Variants in ASAP1 observed in about 807,000 individuals in gnomAD.
ASAP1 encodes ArfGAP with SH3 domain, ankyrin repeat and PH domain 1.
A neutral mutation model predicts 145.2 loss-of-function variants in ASAP1; 43 were observed. That is an observed-to-expected ratio of 0.30 (90% CI 0.23 to 0.38). The LOEUF (loss-of-function observed/expected upper bound fraction) is 0.38, where lower values mean the gene tolerates loss of function less well. Among genes scored for constraint, ASAP1 ranks in the 10% least tolerant of loss-of-function variants. The pLI is 1.00. For synonymous variants in ASAP1, 546 were observed against 515.5 expected (o/e 1.06, Z -0.80); for missense variants, 1,018 against 1,355.3 (o/e 0.75, Z 3.91).
At chr8:130,056,185 G>A (rs903839548) in intron 29 of ASAP1, among the ~76,000 whole-genome samples, 5 of 152,254 alleles carry the variant, frequency 3.3e-5, no homozygotes, top group African/African-American at 1.2e-4. Flanking sequence ...TCAGAGGAAA[G>A]TGAGGCTTAC....
intron 3 of ASAP1, among the ~76,000 whole-genome samples, chr8:130,320,022 G>A (rs1411078540): frequency 5.3e-5 from 8 of 152,102 alleles, no homozygotes; most frequent in Non-Finnish European, 4.4e-5. Context: ...AATGCTATTA[G>A]TATTCACAAA....
intron 27 of ASAP1, among the ~76,000 whole-genome samples, chr8:130,071,791 G>T (rs374478872): frequency 1.3e-5 from 2 of 152,116 alleles, no homozygotes; most frequent in Non-Finnish European, 2.9e-5. Flanking sequence ...ATCATCCTGG[G>T]AGACATTCAT....
intron 5 of ASAP1, among the ~76,000 whole-genome samples, chr8:130,192,256 C>T (rs1459894748): frequency 2.7e-5 from 4 of 150,632 alleles, no homozygotes; most frequent in Non-Finnish European, 5.9e-5. Flanking sequence ...TTATAACTGT[C>T]TGTGGCCCTC....
At position 130,052,808 on chromosome 8, in the gene ASAP1, C is replaced by CAGCT. The variant is rs1242375601; in HGVS notation, c.*1919_*1922dup. 1 of 133,476 alleles carries CAGCT rather than the reference C, an allele frequency of 7.5e-6. No homozygotes were observed. Among genetic ancestry groups the CAGCT allele is most frequent in the Non-Finnish European group, 1.5e-5 (1 of 64,678 alleles). 8.3% of individuals were successfully genotyped at this position (133,476 alleles called of 1,614,324 possible). A position where few individuals can be genotyped will look rare whatever the true frequency, so the allele number is the denominator to read the frequency against. On this transcript the variant is annotated 3_prime_UTR_variant, in exon 30 of 30. Transcript: ENST00000518721. ...AAAGAGTCTAGGCCACAGAAAAGAA[C>CAGCT]AGCTCTTTAATGCAAGTTAAAATGT...
chr8:130,274,024 T>C (rs1400587068), intron 3 of ASAP1, among the ~76,000 whole-genome samples: 2 of 152,216 alleles, frequency 1.3e-5, no homozygotes, highest in East Asian at 3.8e-4. Context: ...ACTAACTGGC[T>C]TTGAGATCTT....
At chr8:130,216,387 A>G (rs1198388552) in intron 4 of ASAP1, among the ~76,000 whole-genome samples, 5 of 152,236 alleles carry the variant, frequency 3.3e-5, no homozygotes, top group Non-Finnish European at 7.4e-5. Flanking sequence ...AATGAGTCCA[A>G]TATCTAACTT....
chr8:130,132,657 C>T (rs552681415), intron 15 of ASAP1, among the ~76,000 whole-genome samples: 4 of 152,322 alleles, frequency 2.6e-5, no homozygotes, highest in African/African-American at 7.2e-5. Context: ...CAGCCTCCTG[C>T]AGTAGAGATG....
intron 27 of ASAP1, among the ~76,000 whole-genome samples, chr8:130,069,809 G>A (rs1049943708): frequency 6.6e-5 from 10 of 152,168 alleles, no homozygotes; most frequent in African/African-American, 2.2e-4. Flanking sequence ...CATATGATAT[G>A]AAATTGCCTG....
intron 7 of ASAP1, among the ~76,000 whole-genome samples, chr8:130,183,974 T>C (rs1045226037): frequency 3.3e-5 from 5 of 152,218 alleles, no homozygotes; most frequent in Admixed American, 1.3e-4. Flanking sequence ...TATATAATCA[T>C]GCTAATAAAA....
At chr8:130,080,779 T>C (rs2097477899) in intron 25 of ASAP1, among the ~76,000 whole-genome samples, 1 of 152,028 alleles carries the variant, frequency 6.6e-6, no homozygotes, top group African/African-American at 2.4e-5. Flanking sequence ...ACTACAGGCA[T>C]ATACCACCAC....
intron 23 of ASAP1, among the ~76,000 whole-genome samples, chr8:130,115,125 T>C (rs369939872): frequency 8.5e-5 from 13 of 152,198 alleles, no homozygotes; most frequent in East Asian, 7.7e-4. Flanking sequence ...CTAGTCTAGA[T>C]GTTGCTGTAA....
chr8:130,096,853 T>C (rs1411208205), intron 24 of ASAP1, among the ~76,000 whole-genome samples: 1 of 151,990 alleles, frequency 6.6e-6, no homozygotes, highest in Non-Finnish European at 1.5e-5. Flanking sequence ...AGGCCGGGCA[T>C]GGTGGCTCAC....
chr8:130,197,166 A>G (rs1406522313), intron 5 of ASAP1, among the ~76,000 whole-genome samples: 1 of 152,244 alleles, frequency 6.6e-6, no homozygotes, highest in Non-Finnish European at 1.5e-5. Context: ...GCAGTGGCAC[A>G]TCTGTAATTC....
intron 27 of ASAP1, among the ~76,000 whole-genome samples, chr8:130,065,164 C>T (rs1407336427): frequency 6.6e-6 from 1 of 152,096 alleles, no homozygotes; most frequent in Non-Finnish European, 1.5e-5. Context: ...CAGGTCTGAG[C>T]CTTCTCAGGG....
intron 1 of ASAP1, among the ~76,000 whole-genome samples, chr8:130,405,112 T>C (rs1022179687): frequency 6.6e-6 from 1 of 151,946 alleles, no homozygotes; most frequent in African/African-American, 2.4e-5. Context: ...CTAATTCACA[T>C]GGGAATATTA....
At position 130,376,558 on chromosome 8, in the gene ASAP1, G is replaced by A. The variant is rs1318168032; in HGVS notation, c.60-18415C>T. Among the ~76,000 whole-genome samples the A allele has an allele frequency of 2.6e-5, 4 of 151,808 alleles. No individual in the cohort carries two copies. In the East Asian group the frequency reaches 5.8e-4, roughly 22 times the overall value. On this transcript the variant is annotated intron_variant, in intron 2 of 29. Transcript: ENST00000518721. ...CTGGCCAACATGGTGAAACCCCGTC[G>A]CTACTAAAAATACAAAAATTAGCTG...
intron 3 of ASAP1, among the ~76,000 whole-genome samples, chr8:130,356,510 A>G (rs147745045): frequency 1.1e-4 from 17 of 152,342 alleles, no homozygotes; most frequent in African/African-American, 3.4e-4. Context: ...CCAGACGAGT[A>G]TAACAGACTG....
chr8:130,291,195 T>G (rs1821924076), intron 3 of ASAP1, among the ~76,000 whole-genome samples: 1 of 152,192 alleles, frequency 6.6e-6, no homozygotes, highest in Admixed American at 6.5e-5. Context: ...ACTCTTAGAA[T>G]GTGAATGTCA....
intron 25 of ASAP1, among the ~76,000 whole-genome samples, chr8:130,091,307 G>A (rs1427538422): frequency 6.6e-6 from 1 of 152,216 alleles, no homozygotes; most frequent in East Asian, 1.9e-4. Flanking sequence ...TAGGGAGGAA[G>A]CTGCGTTGGA....
Sources: gnomAD v4.1 joint callset for allele counts (sites outside exome capture counted in the v4.1 genomes callset) on GRCh38, gnomAD v4.1.1 for gene constraint, MANE v1.5 for transcripts, NCBI Gene and HGNC (gene_info 2026-07-23, HGNC 2026-07-21) for gene names.